The following SPOPL variants were observed in gnomAD, a reference collection of about 807,000 sequenced individuals.
The protein encoded by SPOPL is speckle-type POZ protein-like.
A neutral mutation model predicts 53.8 loss-of-function variants in SPOPL; 23 were observed. That is an observed-to-expected ratio of 0.43 (90% CI 0.31 to 0.61). The LOEUF (loss-of-function observed/expected upper bound fraction) is 0.61. Among genes scored for constraint, SPOPL ranks in the 20% least tolerant of loss-of-function variants. The pLI is 0.12. For synonymous variants in SPOPL, 164 were observed against 149.7 expected (o/e 1.10, Z -0.70); for missense variants, 442 against 466.9 (o/e 0.95, Z 0.49).
chr2:138,565,359 G>A (rs1055030558), intron 10 of SPOPL, among the ~76,000 whole-genome samples: 1 of 152,158 alleles, frequency 6.6e-6, no homozygotes, highest in African/African-American at 2.4e-5. Flanking sequence ...TGCTGAGAAA[G>A]CCTTTACATT....
chr2:138,549,828 T>C (rs1685275593), intron 1 of SPOPL, among the ~76,000 whole-genome samples: 1 of 152,156 alleles, frequency 6.6e-6, no homozygotes, highest in African/African-American at 2.4e-5. Context: ...GAACCAGATA[T>C]TAACTGATGT....
intron 7 of SPOPL, among the ~76,000 whole-genome samples, chr2:138,559,853 G>A (rs1468536127): frequency 6.6e-6 from 1 of 152,110 alleles, no homozygotes; most frequent in Non-Finnish European, 1.5e-5. Context: ...TTTGCTGTTT[G>A]CATAACTTGT....
chr2:138,570,442 C>T lies in SPOPL; in HGVS notation c.*1362C>T, dbSNP rs550503490. 4.6e-5 allele frequency: 7 copies of T among 152,238 alleles called. No homozygotes were observed. Among genetic ancestry groups the T allele is most frequent in the South Asian group, 2.1e-4 (1 of 4,822 alleles). The allele number at this position is 152,238 out of a possible 1,614,324, so 9.4% of individuals were successfully genotyped here. A position where few individuals can be genotyped will look rare whatever the true frequency, so the allele number is the denominator to read the frequency against. ...AATTTTAGCTTTAAATGCATATACA[C>T]GTTCAGTGTTTGATAGTTGTGTTCT... is the stretch of plus-strand genomic sequence containing the variant. On this transcript the variant is annotated 3_prime_UTR_variant, in exon 11 of 11. Transcript: ENST00000280098.
chr2:138,543,440 A>G (rs559379424), intron 1 of SPOPL, among the ~76,000 whole-genome samples: 48 of 152,144 alleles, frequency 3.2e-4, no homozygotes, highest in African/African-American at 1.1e-3. Flanking sequence ...ATTTCTTTTT[A>G]TTCTTTTTTC....
Position 138,565,384 on chromosome 2 carries a change from C to G in SPOPL, c.1034+391C>G, listed in dbSNP as rs377174801. On this transcript the variant is annotated intron_variant, in intron 10 of 10. Transcript: ENST00000280098. ...GCCTTTACATTTGAAGGCTGACTCA[C>G]TGCTTCTTAGGTTAGCCAGGTACCT... is the stretch of plus-strand genomic sequence containing the variant. Among the ~76,000 whole-genome samples the G allele has an allele frequency of 1.6e-3, 247 of 152,324 alleles. 1 individual carries two copies. Among genetic ancestry groups the G allele is most frequent in the Middle Eastern group, 0.014 (4 of 294 alleles).
chr2:138,509,400 TA>T (rs1684281301), intron 1 of SPOPL, among the ~76,000 whole-genome samples: 1 of 152,142 alleles, frequency 6.6e-6, no homozygotes, highest in East Asian at 1.9e-4. Context: ...TTTGAAATAT[TA>T]TTTTATAGGT....
chr2:138,552,426 T>C, intron 4 of SPOPL, 128 bp from the exon 5 acceptor site: 3 of 1,114,092 alleles, frequency 2.7e-6, no homozygotes, highest in Non-Finnish European at 3.7e-6. Context: ...TAAACACAAA[T>C]ATCGGTAACT....
At chr2:138,535,241 G>T (rs1684902230) in intron 1 of SPOPL, among the ~76,000 whole-genome samples, 1 of 152,212 alleles carries the variant, frequency 6.6e-6, no homozygotes, top group African/African-American at 2.4e-5. Context: ...TGAACATTTG[G>T]ATTGTCCATC....
At chr2:138,513,486 G>A (rs959883747) in intron 1 of SPOPL, among the ~76,000 whole-genome samples, 2 of 152,122 alleles carry the variant, frequency 1.3e-5, no homozygotes, top group Non-Finnish European at 2.9e-5. Flanking sequence ...GGAGGCGGAG[G>A]TTGCAGTGAG....
At chr2:138,544,516 G>A (rs1043280497) in intron 1 of SPOPL, among the ~76,000 whole-genome samples, 3 of 152,164 alleles carry the variant, frequency 2.0e-5, no homozygotes, top group Non-Finnish European at 4.4e-5. Flanking sequence ...CTCCCTGGGC[G>A]TTAAGACCCT....
chr2:138,552,605 A>G lies in SPOPL; in HGVS notation c.404A>G (p.Lys135Arg). The change falls in exon 5 of 11, where the codon AAA (lysine) becomes AGA (arginine). Residue 135 changes from lysine to arginine, a missense_variant. Lys to Arg is a conservative substitution (Grantham distance 26, BLOSUM62 2). Coordinates refer to ENST00000280098, the MANE Select transcript of SPOPL (RefSeq NM_001001664.3). The part of the protein sequence containing the change: ...FVQGKDWGFK[K>R]FIRRDFLLDE... ...CAAGGGAAGGACTGGGGTTTTAAAA[A>G]ATTCATTAGAAGGGACTTTTTGCTT... The G allele has an allele frequency of 6.2e-7, 1 of 1,613,266 alleles. No individual in the cohort carries two copies. Among genetic ancestry groups the G allele is most frequent in the Non-Finnish European group, 8.5e-7 (1 of 1,179,396 alleles).
intron 8 of SPOPL, among the ~76,000 whole-genome samples, chr2:138,562,723 G>A (rs994249086): frequency 6.8e-6 from 1 of 146,882 alleles, no homozygotes; most frequent in African/African-American, 2.6e-5. Context: ...GGCAGAGGTT[G>A]CAGTGAGCCA....
intron 1 of SPOPL, among the ~76,000 whole-genome samples, chr2:138,504,459 C>G (rs1282056417): frequency 6.6e-6 from 1 of 152,182 alleles, no homozygotes; most frequent in Non-Finnish European, 1.5e-5. Flanking sequence ...CCCCTAGAAT[C>G]AGACTTTTAA....
intron 1 of SPOPL, among the ~76,000 whole-genome samples, chr2:138,526,978 G>T (rs569415431): frequency 6.6e-6 from 1 of 152,022 alleles, no homozygotes; most frequent in Non-Finnish European, 1.5e-5. Flanking sequence ...CACCTGCCTC[G>T]ACTTCCCAAA....
At chr2:138,527,344 A>G (rs1684698214) in intron 1 of SPOPL, among the ~76,000 whole-genome samples, 2 of 152,128 alleles carry the variant, frequency 1.3e-5, no homozygotes, top group Admixed American at 6.5e-5. Flanking sequence ...CACCTGTCAG[A>G]TCAATACTGG....
intron 8 of SPOPL, among the ~76,000 whole-genome samples, chr2:138,563,697 T>G (rs1685600179): frequency 6.6e-6 from 1 of 152,198 alleles, no homozygotes; most frequent in Admixed American, 6.5e-5. Flanking sequence ...ACAACCACTT[T>G]GGAAAAGTGT....
At chr2:138,546,005 A>G (rs946406987) in intron 1 of SPOPL, among the ~76,000 whole-genome samples, 1 of 152,214 alleles carries the variant, frequency 6.6e-6, no homozygotes, top group African/African-American at 2.4e-5. Context: ...AAGAGAGGAA[A>G]CATGATGGTG....
At chr2:138,517,760 C>T (rs1684470471) in intron 1 of SPOPL, among the ~76,000 whole-genome samples, 1 of 146,358 alleles carries the variant, frequency 6.8e-6, no homozygotes, top group Admixed American at 6.8e-5. Flanking sequence ...AAAAATCTGA[C>T]CTAGGCCAGG....
chr2:138,534,189 G>A (rs540647536), intron 1 of SPOPL, among the ~76,000 whole-genome samples: 1 of 152,210 alleles, frequency 6.6e-6, no homozygotes, highest in African/African-American at 2.4e-5. Flanking sequence ...AGACTCAATA[G>A]TTATAGAAGG....
Sources: allele counts gnomAD v4.1 joint callset (sites outside exome capture counted in the v4.1 genomes callset), GRCh38; gene constraint gnomAD v4.1.1; transcripts MANE v1.5; gene names NCBI Gene and HGNC (gene_info 2026-07-23, HGNC 2026-07-21).